RNF150: variants seen among roughly 807,000 people sequenced by gnomAD.
RNF150 encodes ring finger protein 150.
Under a neutral mutation model 39.3 loss-of-function variants are expected in RNF150, and 24 were observed. The ratio of observed to expected loss-of-function variants is 0.61; its 90% confidence interval spans 0.44 to 0.86. The LOEUF is 0.86. RNF150 is among the 40% of genes least tolerant of loss of function. The probability of loss-of-function intolerance (pLI) is 0.00; values close to 1 mark genes in which losing one functional copy is unlikely to be tolerated. For missense variants in RNF150, 502 were observed against 587.8 expected, an observed-to-expected ratio of 0.85 and a Z score of 1.51; for synonymous variants, 255 against 227.3, an observed-to-expected ratio of 1.12 and a Z score of -1.10.
At chr4:141,104,799 A>G (rs1739142701) in intron 1 of RNF150, among the ~76,000 whole-genome samples, 1 of 152,242 alleles carries the variant, frequency 6.6e-6, no homozygotes, top group Admixed American at 6.5e-5. Context: ...CAGTTTATAC[A>G]TTTGTGAGTT....
At chr4:140,945,141 T>C (rs975822773) in intron 4 of RNF150, among the ~76,000 whole-genome samples, 8 of 152,122 alleles carry the variant, frequency 5.3e-5, no homozygotes, top group Admixed American at 1.3e-4. Context: ...AGATGGACAG[T>C]AAGGAATATG....
At chr4:141,063,366 G>T (rs1737315430) in intron 1 of RNF150, among the ~76,000 whole-genome samples, 1 of 152,220 alleles carries the variant, frequency 6.6e-6, no homozygotes, top group Admixed American at 6.5e-5. Flanking sequence ...AGCATCCAAG[G>T]TTTACTTAAT....
At chr4:141,081,313 T>C (rs372627435) in intron 1 of RNF150, among the ~76,000 whole-genome samples, 4 of 152,272 alleles carry the variant, frequency 2.6e-5, no homozygotes, top group African/African-American at 9.6e-5. Context: ...GCCAAGCAAC[T>C]CACTCTAAGC....
intron 1 of RNF150, among the ~76,000 whole-genome samples, chr4:140,999,531 G>C (rs1734497117): frequency 6.6e-6 from 1 of 152,168 alleles, no homozygotes; most frequent in African/African-American, 2.4e-5. Context: ...TGACAATGAA[G>C]TTAGCGCTGC....
intron 1 of RNF150, among the ~76,000 whole-genome samples, chr4:141,157,803 T>C (rs376452629): frequency 8.5e-5 from 13 of 152,350 alleles, no homozygotes; most frequent in African/African-American, 2.9e-4. Flanking sequence ...AACAGTTCAC[T>C]GTTACTCAAA....
chr4:140,995,081 C>A (rs879537607), intron 1 of RNF150, among the ~76,000 whole-genome samples: 7 of 152,078 alleles, frequency 4.6e-5, no homozygotes, highest in Non-Finnish European at 8.8e-5. Flanking sequence ...AGAACTTATT[C>A]ATTCTATCTA....
At position 141,118,392 on chromosome 4, in the gene RNF150, C is replaced by T. The variant is rs140586770; in HGVS notation, c.484+13933G>A. Among the ~76,000 whole-genome samples the T allele has an allele frequency of 4.3e-3, 652 of 152,232 alleles. 26 individuals carry two copies. The highest frequency in any genetic ancestry group is 0.038 in the Admixed American group (578 of 15,302). On this transcript the variant is annotated intron_variant, in intron 1 of 6. Coordinates refer to ENST00000515673, the MANE Select transcript of RNF150 (RefSeq NM_020724.2). ...CAAATAACTGCAAACACTGTACCCTCCTGGAAGACCTACTACATGGTGTTG... is the reference window on the plus strand; with the variant it reads ...CAAATAACTGCAAACACTGTACCCTTCTGGAAGACCTACTACATGGTGTTG...
intron 1 of RNF150, chr4:141,053,598 A>C (rs1179991828): frequency 1.4e-6 from 1 of 705,848 alleles, no homozygotes; most frequent in East Asian, 3.4e-5. Context: ...ATTGATTAGA[A>C]AGTTAAGGAA....
chr4:141,175,232 C>T (rs760651289), intron 1 of RNF150, among the ~76,000 whole-genome samples: 1 of 152,188 alleles, frequency 6.6e-6, no homozygotes, highest in Non-Finnish European at 1.5e-5. Context: ...TGGGAAATTG[C>T]TTAATCTCTC....
chr4:141,121,203 G>A (rs1560748956), intron 1 of RNF150, among the ~76,000 whole-genome samples: 1 of 152,134 alleles, frequency 6.6e-6, no homozygotes, highest in East Asian at 1.9e-4. Flanking sequence ...TGCTTCCTGA[G>A]CTCCCAGACC....
chr4:141,102,707 T>A (rs1739056279), intron 1 of RNF150, among the ~76,000 whole-genome samples: 1 of 152,040 alleles, frequency 6.6e-6, no homozygotes, highest in Non-Finnish European at 1.5e-5. Context: ...AAGGGCGGGC[T>A]TTTAATGTCC....
chr4:141,078,419 G>A (rs1426474511), intron 1 of RNF150, among the ~76,000 whole-genome samples: 1 of 152,094 alleles, frequency 6.6e-6, no homozygotes, highest in African/African-American at 2.4e-5. Context: ...AGATTTCACT[G>A]TATCCCATGT....
At chr4:141,094,434 T>C (rs917918874) in intron 1 of RNF150, among the ~76,000 whole-genome samples, 3 of 152,270 alleles carry the variant, frequency 2.0e-5, no homozygotes, top group Non-Finnish European at 2.9e-5. Context: ...ACTATTAATA[T>C]AGAATATGAC....
chr4:140,970,411 G>T (rs187728042), intron 1 of RNF150, among the ~76,000 whole-genome samples: 1 of 152,090 alleles, frequency 6.6e-6, no homozygotes, highest in Non-Finnish European at 1.5e-5. Flanking sequence ...GGCTGTTTTA[G>T]TTGTATAGCT....
At chr4:140,915,721 G>C (rs985446495) in intron 5 of RNF150, among the ~76,000 whole-genome samples, 7 of 152,198 alleles carry the variant, frequency 4.6e-5, no homozygotes, top group Admixed American at 3.3e-4. Flanking sequence ...CATGCAGCTT[G>C]AGATCTGAGA....
At chr4:140,952,934 T>C (rs957510719) in intron 2 of RNF150, among the ~76,000 whole-genome samples, 2 of 152,190 alleles carry the variant, frequency 1.3e-5, no homozygotes, top group African/African-American at 4.8e-5. Flanking sequence ...CAATTCTAGA[T>C]GATACTGCCA....
chr4:141,200,560 T>G (rs1269364950), intron 1 of RNF150, among the ~76,000 whole-genome samples: 2 of 151,774 alleles, frequency 1.3e-5, no homozygotes, highest in Non-Finnish European at 2.9e-5. Flanking sequence ...CTAATCTCAT[T>G]GATGAGGATT....
intron 1 of RNF150, among the ~76,000 whole-genome samples, chr4:141,101,203 T>G (rs1738997177): frequency 1.3e-5 from 2 of 152,224 alleles, no homozygotes; most frequent in African/African-American, 4.8e-5. Context: ...CTTTTTAACT[T>G]TTTTGACTCT....
intron 1 of RNF150, among the ~76,000 whole-genome samples, chr4:141,026,477 G>T (rs1227694047): frequency 6.6e-6 from 1 of 152,102 alleles, no homozygotes; most frequent in African/African-American, 2.4e-5. Flanking sequence ...ATCACACAGG[G>T]GCTCCCAACC....
Sources: gnomAD v4.1 joint callset for allele counts (sites outside exome capture counted in the v4.1 genomes callset) on GRCh38, gnomAD v4.1.1 for gene constraint, MANE v1.5 for transcripts, NCBI Gene and HGNC (gene_info 2026-07-23, HGNC 2026-07-21) for gene names.